Variants in MMP26 observed in about 807,000 individuals in gnomAD.
The protein encoded by MMP26 is matrix metallopeptidase 26.
Under a neutral mutation model 31.0 loss-of-function variants are expected in MMP26, and 33 were observed. That is an observed-to-expected ratio of 1.06 (90% CI 0.81 to 1.42). MMP26 has a LOEUF of 1.42. MMP26 is among the 40% of genes most tolerant of loss of function. The pLI is 0.00. For missense variants in MMP26, 347 were observed against 316.1 expected, an observed-to-expected ratio of 1.10 and a Z score of -0.74; for synonymous variants, 122 against 114.9, an observed-to-expected ratio of 1.06 and a Z score of -0.40.
At chr11:4,726,735 G>C (rs775492088) in intron 1 of MMP26, among the ~76,000 whole-genome samples, 16 of 152,160 alleles carry the variant, frequency 1.1e-4, no homozygotes, top group Non-Finnish European at 2.1e-4. Flanking sequence ...GGCCCAGGGT[G>C]GTGCTTCACG....
intron 2 of MMP26, among the ~76,000 whole-genome samples, chr11:4,861,058 A>ATT (rs34051309): frequency 0.22 from 33,128 of 148,090 alleles, 4,461 homozygotes; most frequent in South Asian, 0.35. Flanking sequence ...GTATAAGGGT[A>ATT]TTATATATAT....
chr11:4,870,367 C>T (rs11034418), intron 2 of MMP26, among the ~76,000 whole-genome samples: 57,163 of 151,732 alleles, frequency 0.38, 12,116 homozygotes, highest in Middle Eastern at 0.48. Context: ...ATGGTCTATA[C>T]CATGTAGGTA....
intron 1 of MMP26, among the ~76,000 whole-genome samples, chr11:4,735,374 G>A (rs114602358): frequency 1.8e-3 from 275 of 152,134 alleles, no homozygotes; most frequent in African/African-American, 6.2e-3. Flanking sequence ...ATATACATGC[G>A]TGCATGTGTG....
At chr11:4,790,459 A>T (rs762272842) in intron 2 of MMP26, among the ~76,000 whole-genome samples, 4 of 152,180 alleles carry the variant, frequency 2.6e-5, no homozygotes, top group Admixed American at 6.5e-5. Flanking sequence ...TCACTCTGGG[A>T]TTCAATTTTT....
At chr11:4,905,659 T>G (rs1389017396) in intron 2 of MMP26, among the ~76,000 whole-genome samples, 1 of 152,138 alleles carries the variant, frequency 6.6e-6, no homozygotes, top group Non-Finnish European at 1.5e-5. Flanking sequence ...TTAATTAAAA[T>G]TATTAATTTC....
intron 2 of MMP26, among the ~76,000 whole-genome samples, chr11:4,862,096 C>A (rs916111913): frequency 6.6e-6 from 1 of 152,126 alleles, no homozygotes; most frequent in Non-Finnish European, 1.5e-5. Flanking sequence ...TTTTTCTTCA[C>A]CCCTAGTGAA....
At chr11:4,781,248 G>C (rs903776670) in intron 2 of MMP26, among the ~76,000 whole-genome samples, 7 of 152,050 alleles carry the variant, frequency 4.6e-5, no homozygotes, top group African/African-American at 1.4e-4. Context: ...CACAAAAAAG[G>C]GTTAATTATT....
chr11:4,832,318 C>G (rs1849657987), intron 2 of MMP26: 1 of 164,056 alleles, frequency 6.1e-6, no homozygotes, highest in Non-Finnish European at 1.3e-5. Flanking sequence ...AGCCCATGTA[C>G]TATTTCCTCT....
At chr11:4,966,197 G>A (rs999286594) in intron 2 of MMP26, among the ~76,000 whole-genome samples, 3 of 152,062 alleles carry the variant, frequency 2.0e-5, no homozygotes, top group Admixed American at 1.3e-4. Flanking sequence ...CTTACAATAG[G>A]GAAAAGAGAT....
chr11:4,975,924 A>G (rs1052244685), intron 2 of MMP26, among the ~76,000 whole-genome samples: 2 of 152,084 alleles, frequency 1.3e-5, no homozygotes, highest in African/African-American at 4.8e-5. Flanking sequence ...AAATCCCTCC[A>G]TATTCAACCC....
chr11:4,755,830 G>A (rs1160489453), intron 1 of MMP26, among the ~76,000 whole-genome samples: 2 of 151,896 alleles, frequency 1.3e-5, no homozygotes, highest in African/African-American at 2.4e-5. Context: ...AACTGAAGAT[G>A]TCTTGTTTTG....
intron 2 of MMP26, among the ~76,000 whole-genome samples, chr11:4,873,529 G>A (rs545449391): frequency 2.0e-5 from 3 of 152,042 alleles, no homozygotes; most frequent in Non-Finnish European, 4.4e-5. Flanking sequence ...CTGAGGGATA[G>A]AAAGATTTAG....
At chr11:4,899,705 C>A (rs1317502006) in intron 2 of MMP26, among the ~76,000 whole-genome samples, 1 of 152,036 alleles carries the variant, frequency 6.6e-6, no homozygotes, top group Non-Finnish European at 1.5e-5. Flanking sequence ...AATTAATTAC[C>A]CCATCAGGCT....
chr11:4,780,367 C>G (rs1036265988), intron 2 of MMP26, among the ~76,000 whole-genome samples: 4 of 150,274 alleles, frequency 2.7e-5, no homozygotes, highest in African/African-American at 9.7e-5. Flanking sequence ...CCAATTTTAG[C>G]CACTCTGACA....
intron 2 of MMP26, among the ~76,000 whole-genome samples, chr11:4,960,201 C>T (rs1188780694): frequency 6.6e-6 from 1 of 152,024 alleles, no homozygotes; most frequent in Non-Finnish European, 1.5e-5. Context: ...GTGCAATTGG[C>T]ACATAGGAAG....
intron 2 of MMP26, among the ~76,000 whole-genome samples, chr11:4,850,624 C>T (rs1031695804): frequency 1.8e-4 from 28 of 151,874 alleles, no homozygotes; most frequent in Non-Finnish European, 2.5e-4. Flanking sequence ...AAAAAACTTG[C>T]TAGGTTTTGT....
At chr11:4,730,312 G>A (rs1367232174) in intron 1 of MMP26, among the ~76,000 whole-genome samples, 1 of 152,054 alleles carries the variant, frequency 6.6e-6, no homozygotes. Flanking sequence ...GGAAGGGGAT[G>A]ACAGACATTA....
intron 2 of MMP26, among the ~76,000 whole-genome samples, chr11:4,801,766 T>C (rs577828926): frequency 7.9e-5 from 12 of 152,170 alleles, no homozygotes; most frequent in Non-Finnish European, 1.0e-4. Context: ...GGTCTTGATC[T>C]CTTGACCTCG....
rs535464471 is a variant in MMP26, at chr11:4,833,319, A to C, written c.-145+65978A>C. Among the ~76,000 whole-genome samples, 3 of 152,328 alleles carry C rather than the reference A, an allele frequency of 2.0e-5. No homozygotes were observed. In the South Asian group the frequency reaches 6.2e-4, roughly 32 times the overall value. ...CATTTTGTTGTTCTTTGGGTGATTG[A>C]TAAATTCAATTCTCAGACACGAGAA... On this transcript the variant is annotated intron_variant, in intron 2 of 7. Transcript: ENST00000380390.
Sources: allele counts gnomAD v4.1 joint callset (sites outside exome capture counted in the v4.1 genomes callset), GRCh38; gene constraint gnomAD v4.1.1; transcripts MANE v1.5; gene names NCBI Gene and HGNC (gene_info 2026-07-23, HGNC 2026-07-21).